The following RBFOX1 variants were observed in gnomAD, a reference collection of about 807,000 sequenced individuals.
The protein encoded by RBFOX1 is RNA binding fox-1 homolog 1, also known as RNA binding protein fox-1 homolog 1.
In RBFOX1, 8 loss-of-function variants were observed where a neutral mutation model predicts 57.7. That is an observed-to-expected ratio of 0.14 (90% CI 0.08 to 0.25). The LOEUF is 0.25. Ranked by LOEUF, RBFOX1 falls within the 10% of genes least tolerant of loss-of-function variation. The probability of loss-of-function intolerance (pLI) is 1.00; values close to 1 mark genes in which losing one functional copy is unlikely to be tolerated. For synonymous variants in RBFOX1, 326 were observed against 222.4 expected (o/e 1.47, Z -4.15); for missense variants, 611 against 548.5 (o/e 1.11, Z -1.14).
chr16:5,597,665 T>G lies in RBFOX1; in HGVS notation c.259-1237T>G, dbSNP rs142789599. Among the ~76,000 whole-genome samples the G allele has an allele frequency of 1.8e-4, 28 of 152,186 alleles. No individual in the cohort carries two copies. The East Asian group carries it at 5.2e-3, about 28-fold the overall frequency. ...TCTGTCCGCCTCGGCCTTGCTGACT[T>G]TTGATTAATGACATTGTAGAGCTTT... On this transcript the variant is annotated intron_variant, in intron 2 of 2. Transcript: ENST00000585867.
chr16:6,532,018 C>T (rs1599047585), intron 2 of RBFOX1, among the ~76,000 whole-genome samples: 1 of 152,156 alleles, frequency 6.6e-6, no homozygotes, highest in Admixed American at 6.5e-5. Flanking sequence ...TGTGAGGTCT[C>T]CTCCATGGGA....
At chr16:6,732,328 G>C (rs150802573) in intron 3 of RBFOX1, among the ~76,000 whole-genome samples, 16 of 152,306 alleles carry the variant, frequency 1.1e-4, no homozygotes, top group Non-Finnish European at 2.4e-4. Flanking sequence ...CTCCTGTTCA[G>C]ATTCTCACGA....
intron 1 of RBFOX1, among the ~76,000 whole-genome samples, chr16:5,398,207 A>G (rs939365563): frequency 6.6e-6 from 1 of 152,092 alleles, no homozygotes; most frequent in African/African-American, 2.4e-5. Flanking sequence ...ATGTGTGTAC[A>G]TGTGTGGACA....
intron 3 of RBFOX1, among the ~76,000 whole-genome samples, chr16:5,628,869 C>G (rs2048420112): frequency 6.6e-6 from 1 of 152,214 alleles, no homozygotes. Flanking sequence ...GCTGTAGCAT[C>G]TGACCTAAGC....
intron 1 of RBFOX1, among the ~76,000 whole-genome samples, chr16:6,212,046 T>C (rs977085364): frequency 3.9e-5 from 6 of 151,914 alleles, no homozygotes; most frequent in Non-Finnish European, 7.4e-5. Context: ...TTAGTAGAGA[T>C]GGAGTTTTGC....
intron 2 of RBFOX1, among the ~76,000 whole-genome samples, chr16:5,575,666 T>C (rs2046427438): frequency 6.6e-6 from 1 of 152,166 alleles, no homozygotes; most frequent in Non-Finnish European, 1.5e-5. Context: ...TGCTACATTG[T>C]GTGGAGTGTG....
chr16:7,609,911 G>C (rs371759289), intron 10 of RBFOX1, among the ~76,000 whole-genome samples: 234 of 151,766 alleles, frequency 1.5e-3, no homozygotes, highest in African/African-American at 5.1e-3. Flanking sequence ...TCTGCCTCCC[G>C]GGTTCAAGTG....
chr16:6,764,551 A>G (rs1476875375), intron 3 of RBFOX1, among the ~76,000 whole-genome samples: 1 of 152,226 alleles, frequency 6.6e-6, no homozygotes, highest in Non-Finnish European at 1.5e-5. Context: ...AAATAAGGAC[A>G]TGGTTTCTGT....
chr16:6,308,970 C>G (rs918109017), intron 1 of RBFOX1, among the ~76,000 whole-genome samples: 24 of 152,130 alleles, frequency 1.6e-4, no homozygotes, highest in African/African-American at 5.5e-4. Context: ...TCTGCTTCTA[C>G]AAGAATACCT....
intron 2 of RBFOX1, among the ~76,000 whole-genome samples, chr16:6,645,466 G>A (rs2098526136): frequency 6.6e-6 from 1 of 152,162 alleles, no homozygotes; most frequent in Non-Finnish European, 1.5e-5. Context: ...CTGCTGGTAA[G>A]GGATCCGGGA....
chr16:6,285,042 G>A (rs1172112199), intron 1 of RBFOX1, among the ~76,000 whole-genome samples: 1 of 152,062 alleles, frequency 6.6e-6, no homozygotes, highest in East Asian at 1.9e-4. Context: ...AACCGAGAGA[G>A]GCAAGGAAAT....
intron 1 of RBFOX1, among the ~76,000 whole-genome samples, chr16:5,438,529 C>G (rs901970397): frequency 6.6e-6 from 1 of 152,192 alleles, no homozygotes; most frequent in Non-Finnish European, 1.5e-5. Flanking sequence ...GATATGCCCC[C>G]TGTTCTGCAG....
chr16:7,005,073 G>C (rs2093177931), intron 3 of RBFOX1, among the ~76,000 whole-genome samples: 1 of 152,158 alleles, frequency 6.6e-6, no homozygotes, highest in Non-Finnish European at 1.5e-5. Flanking sequence ...GAATCCAGGA[G>C]GCAGAAGTTG....
At chr16:7,368,679 C>G (rs923927687) in intron 4 of RBFOX1, among the ~76,000 whole-genome samples, 1 of 151,322 alleles carries the variant, frequency 6.6e-6, no homozygotes, top group Non-Finnish European at 1.5e-5. Context: ...ACTCAGGAGG[C>G]TGAGGCAGGA....
At chr16:5,805,295 C>T (rs573474569) in intron 3 of RBFOX1, among the ~76,000 whole-genome samples, 1 of 152,076 alleles carries the variant, frequency 6.6e-6, no homozygotes, top group Non-Finnish European at 1.5e-5. Context: ...TTTACTCATT[C>T]CATAAGCACT....
rs547360207 is a variant in RBFOX1 at position 7,606,509 on chromosome 16, C to T, written c.623-776C>T. Among the ~76,000 whole-genome samples, 24 of 152,224 alleles carry T rather than the reference C, an allele frequency of 1.6e-4. 1 individual carries two copies. The East Asian group carries it at 4.6e-3, about 29-fold the overall frequency. On this transcript the variant is annotated intron_variant, in intron 9 of 15. Coordinates refer to ENST00000550418, the MANE Select transcript of RBFOX1 (RefSeq NM_018723.4). ...CGTGATCAGTCTCTGGAAATTGTTC[C>T]CCTAAATAATGCCCAGCATATATGT...
At chr16:5,999,566 G>T (rs927413378) in intron 4 of RBFOX1, among the ~76,000 whole-genome samples, 1 of 152,192 alleles carries the variant, frequency 6.6e-6, no homozygotes, top group African/African-American at 2.4e-5. Context: ...GGTTGGCCGG[G>T]CGCCGCTGGG....
At chr16:5,661,822 G>T (rs1211650595) in intron 3 of RBFOX1, among the ~76,000 whole-genome samples, 1 of 152,048 alleles carries the variant, frequency 6.6e-6, no homozygotes, top group South Asian at 2.1e-4. Flanking sequence ...GTCTCACTCT[G>T]TTGCCCAGGC....
At chr16:7,062,173 G>A (rs1256524167) in intron 4 of RBFOX1, among the ~76,000 whole-genome samples, 2 of 151,730 alleles carry the variant, frequency 1.3e-5, no homozygotes, top group Non-Finnish European at 2.9e-5. Context: ...CAAAAAATTA[G>A]CTGGGCATGG....
Sources: gnomAD v4.1 joint callset for allele counts (sites outside exome capture counted in the v4.1 genomes callset) on GRCh38, gnomAD v4.1.1 for gene constraint, MANE v1.5 for transcripts, NCBI Gene and HGNC (gene_info 2026-07-23, HGNC 2026-07-21) for gene names.